PTPRG: variants seen among roughly 807,000 people sequenced by gnomAD.
PTPRG encodes receptor-type tyrosine-protein phosphatase gamma.
Under a neutral mutation model 165.3 loss-of-function variants are expected in PTPRG, and 102 were observed. The observed-to-expected ratio is 0.62, with a 90% CI of 0.53 to 0.73. PTPRG has a LOEUF of 0.73. PTPRG is among the 30% of genes least tolerant of loss of function. PTPRG has a pLI of 0.00. For missense variants in PTPRG, 1,866 were observed against 1,861.4 expected, an observed-to-expected ratio of 1.00 and a Z score of -0.05; for synonymous variants, 675 against 669.5, an observed-to-expected ratio of 1.01 and a Z score of -0.13.
chr3:61,865,342 C>T (rs956545130), intron 2 of PTPRG, among the ~76,000 whole-genome samples: 2 of 152,266 alleles, frequency 1.3e-5, no homozygotes, highest in Admixed American at 6.5e-5. Flanking sequence ...GTTTGAGCGT[C>T]TCATTTAATT....
intron 4 of PTPRG, among the ~76,000 whole-genome samples, chr3:62,061,376 A>G (rs1700804654): frequency 6.7e-6 from 1 of 149,332 alleles, no homozygotes; most frequent in African/African-American, 2.5e-5. Flanking sequence ...TAGGTCATGA[A>G]TGGAGCCACT....
chr3:61,886,008 G>C (rs945125268), intron 2 of PTPRG, among the ~76,000 whole-genome samples: 4 of 151,666 alleles, frequency 2.6e-5, no homozygotes, highest in African/African-American at 7.3e-5. Flanking sequence ...TGCACACACA[G>C]GGAGAGAGGG....
intron 1 of PTPRG, among the ~76,000 whole-genome samples, chr3:61,739,988 A>C (rs2032915399): frequency 6.6e-6 from 1 of 152,252 alleles, no homozygotes. Flanking sequence ...CAACTAATGC[A>C]ATACGCATAC....
At chr3:61,683,398 G>A (rs1443045905) in intron 1 of PTPRG, among the ~76,000 whole-genome samples, 1 of 152,064 alleles carries the variant, frequency 6.6e-6, no homozygotes, top group Non-Finnish European at 1.5e-5. Flanking sequence ...TCAATTCTCT[G>A]TGGAGGGTCA....
In PTPRG at chr3:61,849,685, G is replaced by C. The variant is rs141258100; in HGVS notation, c.190+100703G>C. On this transcript the variant is annotated intron_variant, in intron 2 of 29. Transcript: ENST00000474889. ...TTGTATTTTTCTTTTCTTTGCTACA[G>C]AGGAGTAGCAACAACTACACATAGA... 3.6e-3 allele frequency among the ~76,000 whole-genome samples: 542 copies of C among 152,264 alleles called. 1 individual carries two copies. Among genetic ancestry groups the C allele is most frequent in the African/African-American group, 0.013 (524 of 41,544 alleles).
intron 28 of PTPRG, 21 bp from the exon 29 acceptor site, chr3:62,292,400 T>C (rs1702929300): frequency 6.2e-7 from 1 of 1,600,214 alleles, no homozygotes. Flanking sequence ...TGAAATCGTA[T>C]CTTTTTTTTT....
intron 2 of PTPRG, among the ~76,000 whole-genome samples, chr3:61,871,273 G>C (rs890305839): frequency 6.6e-6 from 1 of 151,870 alleles, no homozygotes. Flanking sequence ...TGTCACCCAG[G>C]CTGGAGTGCA....
chr3:61,766,991 A>G (rs987851346), intron 2 of PTPRG, among the ~76,000 whole-genome samples: 19 of 150,788 alleles, frequency 1.3e-4, no homozygotes, highest in African/African-American at 4.4e-4. Flanking sequence ...GGCCTGTAAT[A>G]CCAGCACTTT....
rs1034777900 is a variant in PTPRG, at chr3:62,271,045, C to G, written c.3010-338C>G. Among the ~76,000 whole-genome samples the G allele has an allele frequency of 1.3e-5, 2 of 152,072 alleles. No individual in the cohort carries two copies. The highest frequency in any genetic ancestry group is 1.3e-4 in the Admixed American group (2 of 15,272). ...AGACATGAAAGCAAAGTACTAAGAT[C>G]TGGACTTGGGGCAGAAAGTCAGGAA... On this transcript the variant is annotated intron_variant, in intron 20 of 29. Coordinates refer to ENST00000474889, the MANE Select transcript of PTPRG (RefSeq NM_002841.4). This position sits in a 1 kb window ranked among gnomAD's most constrained non-coding sequence, Gnocchi z 4.1.
At chr3:61,971,908 G>A (rs2040394153) in intron 2 of PTPRG, among the ~76,000 whole-genome samples, 1 of 152,234 alleles carries the variant, frequency 6.6e-6, no homozygotes, top group South Asian at 2.1e-4. Flanking sequence ...AAACTGCGTT[G>A]TTATTTGTGT....
intron 2 of PTPRG, chr3:61,926,012 C>G: frequency 2.2e-6 from 1 of 455,530 alleles, no homozygotes; most frequent in Admixed American, 2.4e-5. Context: ...ATGGCAGAAC[C>G]TCAGACCCTT....
At chr3:61,571,618 G>A (rs953572258) in intron 1 of PTPRG, among the ~76,000 whole-genome samples, 1 of 152,136 alleles carries the variant, frequency 6.6e-6, no homozygotes, top group African/African-American at 2.4e-5. Flanking sequence ...GATAGAGTCT[G>A]AATTTGTTGG....
intron 1 of PTPRG, among the ~76,000 whole-genome samples, chr3:61,622,894 C>A (rs529871929): frequency 6.6e-6 from 1 of 152,170 alleles, no homozygotes; most frequent in South Asian, 2.1e-4. Context: ...TACATTTGCA[C>A]CCTAAGTACA....
At chr3:62,071,790 T>C (rs1366890902) in intron 4 of PTPRG, among the ~76,000 whole-genome samples, 2 of 152,190 alleles carry the variant, frequency 1.3e-5, no homozygotes, top group Non-Finnish European at 2.9e-5. Flanking sequence ...CTTTGTAAAT[T>C]TCAAATTACA....
chr3:61,662,722 G>A (rs1351565800), intron 1 of PTPRG, among the ~76,000 whole-genome samples: 1 of 152,176 alleles, frequency 6.6e-6, no homozygotes, highest in Non-Finnish European at 1.5e-5. Flanking sequence ...TGCAGAACTA[G>A]GTAAGGCCTT....
intron 1 of PTPRG, among the ~76,000 whole-genome samples, chr3:61,653,570 A>T (rs1702420476): frequency 1.3e-5 from 2 of 152,186 alleles, no homozygotes; most frequent in South Asian, 4.1e-4. Flanking sequence ...AGAACAGTGA[A>T]CAAGGCTGAT....
chr3:61,860,197 A>G (rs1284229089), intron 2 of PTPRG, among the ~76,000 whole-genome samples: 2 of 152,128 alleles, frequency 1.3e-5, no homozygotes, highest in Non-Finnish European at 2.9e-5. Flanking sequence ...ATGAAATTGA[A>G]ACAGTTGATA....
intron 5 of PTPRG, among the ~76,000 whole-genome samples, chr3:62,085,727 T>G (rs1701731331): frequency 6.6e-6 from 1 of 152,248 alleles, no homozygotes; most frequent in Admixed American, 6.5e-5. Context: ...TCCTTCAGAT[T>G]TTCTAAGCAA....
chr3:61,566,502 C>T (rs772011899), intron 1 of PTPRG, among the ~76,000 whole-genome samples: 2 of 152,192 alleles, frequency 1.3e-5, no homozygotes, highest in Admixed American at 6.5e-5. Context: ...CCTGCCTTTT[C>T]CTGGAGACTT....
Sources: allele counts gnomAD v4.1 joint callset (sites outside exome capture counted in the v4.1 genomes callset), GRCh38; gene constraint gnomAD v4.1.1; non-coding constraint Gnocchi (gnomAD v3.1); transcripts MANE v1.5; gene names NCBI Gene and HGNC (gene_info 2026-07-23, HGNC 2026-07-21).